AHNAK: variants seen among roughly 807,000 people sequenced by gnomAD.
AHNAK encodes the protein neuroblast differentiation-associated protein AHNAK.
A neutral mutation model predicts 37.8 loss-of-function variants in AHNAK; 23 were observed. The observed-to-expected ratio is 0.61, with a 90% CI of 0.44 to 0.86. The LOEUF (loss-of-function observed/expected upper bound fraction) is 0.86, where lower values mean the gene tolerates loss of function less well. AHNAK is among the 40% of genes least tolerant of loss of function. The probability of loss-of-function intolerance (pLI) is 0.00; values close to 1 mark genes in which losing one functional copy is unlikely to be tolerated. For synonymous variants in AHNAK, 2,481 were observed against 2,636.3 expected, an observed-to-expected ratio of 0.94 and a Z score of 1.80; for missense variants, 7,411 against 7,319.4, an observed-to-expected ratio of 1.01 and a Z score of -0.46.
Position 62,529,979 on chromosome 11 carries a change from T to C in AHNAK, c.4438A>G (p.Ile1480Val). The change falls in exon 5 of 5, where the codon ATA becomes GTA. Residue 1480 changes from isoleucine to valine, a missense_variant. Physicochemically the swap from Ile to Val is conservative, Grantham distance 29 (BLOSUM62 3). Coordinates refer to ENST00000378024, the MANE Select transcript of AHNAK (RefSeq NM_001620.3). The stretch of plus-strand genomic sequence containing the variant: ...TTGATGTCAACATCAGGAGCTTTTA[T>C]CTCTCCTTCTACTTTTGGAACTGTT... ...DVTVPKVEGEIKAPDVDIKGP... is the reference protein window; with the variant it reads ...DVTVPKVEGEVKAPDVDIKGP... 6.2e-7 allele frequency: 1 copy of C among 1,613,772 alleles called. No individual in the cohort carries two copies. Among genetic ancestry groups the C allele is most frequent in the South Asian group, 1.1e-5 (1 of 91,058 alleles).
chr11:62,465,021 C>T (rs2134834194), intron 5 of AHNAK, among the ~76,000 whole-genome samples: 1 of 152,260 alleles, frequency 6.6e-6, no homozygotes, highest in East Asian at 1.9e-4. Flanking sequence ...CCTGGCTTTC[C>T]TCCTCTCACA....
At chr11:62,486,342 A>G (rs186192620) in intron 5 of AHNAK, among the ~76,000 whole-genome samples, 1 of 152,096 alleles carries the variant, frequency 6.6e-6, no homozygotes, top group African/African-American at 2.4e-5. Context: ...GCGGGGTAGC[A>G]CATGCCTGTA....
Position 62,523,487 on chromosome 11 carries a change from C to T in AHNAK, c.10930G>A (p.Asp3644Asn). 2 of 1,613,694 alleles carry T rather than the reference C, an allele frequency of 1.2e-6. No individual in the cohort carries two copies. The highest frequency in any genetic ancestry group is 1.7e-6 in the Non-Finnish European group (2 of 1,179,952). Reference protein sequence around the residue: ...SGPNVDVDVPDVNIEGPDAKL... With the variant: ...SGPNVDVDVPNVNIEGPDAKL... Reference sequence around the variant, plus strand: ...GCATCTGGACCTTCAATATTCACGTCTGGAACATCAACGTCTACATTGGGA... The same window carrying T: ...GCATCTGGACCTTCAATATTCACGTTTGGAACATCAACGTCTACATTGGGA... The change falls in exon 5 of 5, where the codon GAC (aspartate) becomes AAC (asparagine). Residue 3644 changes from aspartate to asparagine, a missense_variant. Physicochemically the swap from Asp to Asn is conservative, Grantham distance 23. Coordinates refer to ENST00000378024, the MANE Select transcript of AHNAK (RefSeq NM_001620.3).
rs1428381032 is a variant in AHNAK at position 62,520,240 on chromosome 11, A to G, written c.14177T>C (p.Ile4726Thr). Residue 4726 changes from isoleucine (I) to threonine (T), a missense_variant, in exon 5 of 5, where the codon ATT becomes ACT. Transcript: ENST00000378024. ...IKAPKISMPD[I>T]DLNLKGPKVK... ...TTTGGGTCCTTTCAGGTTTAAGTCA[A>G]TATCAGGCATGGAGATCTTGGGGGC... 1.9e-6 allele frequency: 3 copies of G among 1,611,476 alleles called. No homozygotes were observed. Among genetic ancestry groups the G allele is most frequent in the Non-Finnish European group, 2.5e-6 (3 of 1,179,432 alleles).
chr11:62,513,425 C>T (rs1000822960), downstream of AHNAK, among the ~76,000 whole-genome samples: 6 of 152,178 alleles, frequency 3.9e-5, no homozygotes, highest in African/African-American at 1.4e-4. Context: ...ATCCCAGCTA[C>T]TCAGGAGGCT....
chr11:62,465,294 C>A (rs962378497), intron 5 of AHNAK, among the ~76,000 whole-genome samples: 1 of 152,144 alleles, frequency 6.6e-6, no homozygotes, highest in Non-Finnish European at 1.5e-5. Context: ...TATTTGGAAA[C>A]ACGGTCTTTG....
intron 4 of AHNAK, among the ~76,000 whole-genome samples, chr11:62,496,797 T>C (rs1939617785): frequency 7.4e-6 from 1 of 134,448 alleles, no homozygotes; most frequent in Non-Finnish European, 1.5e-5. Context: ...AGACTCCATC[T>C]CAAGAAAGAA....
In AHNAK at chr11:62,518,736, T is replaced by C. The variant is rs1940117357; in HGVS notation, c.15681A>G (p.Pro5227=). ...LEGPDVDLQG[P]EAKIKFPKFS... ...ACTTGGGGAACTTAATTTTTGCTTC[T>C]GGACCTTGCAGATCTACATCTGGTC... Residue 5227 remains proline, a synonymous_variant, in exon 5 of 5, where the codon CCA becomes CCG. Transcript: ENST00000378024. 1 of 1,613,982 alleles carries C rather than the reference T, an allele frequency of 6.2e-7. No individual in the cohort carries two copies. The highest frequency in any genetic ancestry group is 8.5e-7 in the Non-Finnish European group (1 of 1,179,980).
intron 5 of AHNAK, among the ~76,000 whole-genome samples, chr11:62,449,930 G>C (rs539201104): frequency 6.6e-4 from 101 of 151,972 alleles, no homozygotes; most frequent in Non-Finnish European, 5.7e-4. Context: ...AAGTCAACTC[G>C]TGTCTTTTTC....
chr11:62,437,360 T>C (rs1938196347), intron 5 of AHNAK, among the ~76,000 whole-genome samples: 1 of 152,162 alleles, frequency 6.6e-6, no homozygotes, highest in Non-Finnish European at 1.5e-5. Context: ...CTCAGCTTTG[T>C]TTTGTTTTGT....
chr11:62,463,925 G>A (rs1397226020), intron 5 of AHNAK, among the ~76,000 whole-genome samples: 10 of 133,898 alleles, frequency 7.5e-5, no homozygotes, highest in African/African-American at 9.9e-5. Context: ...CACCACGCCC[G>A]GCTAATTTTT....
rs11555629 is a variant in AHNAK at position 62,516,996 on chromosome 11, A to T, written c.17421T>A (p.Ser5807=). The part of the protein sequence containing the change: ...GTLEFEGGEV[S]LEGGKVKGKH... ...TCCCTTTAACTTTCCCACCTTCCAG[A>T]GACACTTCCCCACCTTCAAACTCCA... The change falls in exon 5 of 5, where the codon TCT becomes TCA. Residue 5807 remains serine, a synonymous_variant. Transcript: ENST00000378024. 7.4e-6 allele frequency: 12 copies of T among 1,614,028 alleles called. No individual in the cohort carries two copies. The African/African-American group carries it at 1.2e-4, about 16-fold the overall frequency.
chr11:62,504,972 A>G (rs541610074), intron 4 of AHNAK, among the ~76,000 whole-genome samples: 1 of 152,262 alleles, frequency 6.6e-6, no homozygotes. Flanking sequence ...TTTAAATGTA[A>G]AGTTTCAAAA....
intron 5 of AHNAK, among the ~76,000 whole-genome samples, chr11:62,437,328 G>T (rs1938195225): frequency 6.6e-6 from 1 of 152,096 alleles, no homozygotes; most frequent in Admixed American, 6.6e-5. Context: ...ATACATTATT[G>T]TCAGCATAGG....
rs540500412 is a variant in AHNAK at position 62,533,788 on chromosome 11, G to C, written c.629C>G (p.Ser210Trp). 1 of 1,614,024 alleles carries C rather than the reference G, an allele frequency of 6.2e-7. No individual in the cohort carries two copies. The highest frequency in any genetic ancestry group is 1.3e-5 in the African/African-American group (1 of 74,900). The stretch of plus-strand genomic sequence containing the variant: ...TGTCGGAGAGGCTGCCCCCGAGCCC[G>C]AGGGCAGTCTGATCACGGTCTTCCC... ...QSGKTVIRLPSGSGAASPTGS... is the reference protein window; with the variant it reads ...QSGKTVIRLPWGSGAASPTGS... The change falls in exon 5 of 5, where the codon TCG becomes TGG. Residue 210 changes from serine to tryptophan, a missense_variant. Physicochemically the swap from Ser to Trp is radical, Grantham distance 177 (BLOSUM62 -3). Coordinates refer to ENST00000378024, the MANE Select transcript of AHNAK (RefSeq NM_001620.3).
intron 1 of AHNAK, among the ~76,000 whole-genome samples, chr11:62,537,027 C>T (rs1219574456): frequency 6.7e-6 from 1 of 150,200 alleles, no homozygotes; most frequent in African/African-American, 2.4e-5. Flanking sequence ...GATCTCGGCT[C>T]GCTGCAAGCT....
At chr11:62,453,241 T>C (rs1394598656) in intron 5 of AHNAK, among the ~76,000 whole-genome samples, 1 of 152,072 alleles carries the variant, frequency 6.6e-6, no homozygotes, top group African/African-American at 2.4e-5. Flanking sequence ...TCTTTCATCA[T>C]CAATGCCTTA....
intron 4 of AHNAK, among the ~76,000 whole-genome samples, chr11:62,504,447 C>T (rs906037304): frequency 2.6e-5 from 4 of 152,144 alleles, no homozygotes. Context: ...CCTCCACTCT[C>T]TCATCTGACT....
At chr11:62,454,973 G>C (rs1938626624) in intron 5 of AHNAK, among the ~76,000 whole-genome samples, 1 of 149,866 alleles carries the variant, frequency 6.7e-6, no homozygotes, top group Admixed American at 6.7e-5. Context: ...CTTTTGCCCA[G>C]GCTGGAGTGA....
Sources: allele counts gnomAD v4.1 joint callset (sites outside exome capture counted in the v4.1 genomes callset), GRCh38; gene constraint gnomAD v4.1.1; transcripts MANE v1.5; gene names NCBI Gene and HGNC (gene_info 2026-07-23, HGNC 2026-07-21).